MECOM: variants seen among roughly 807,000 people sequenced by gnomAD.
The protein encoded by MECOM is MDS1 and EVI1 complex locus.
Under a neutral mutation model 116.3 loss-of-function variants are expected in MECOM, and 13 were observed. The ratio of observed to expected loss-of-function variants is 0.11; its 90% CI spans 0.07 to 0.18. The LOEUF (loss-of-function observed/expected upper bound fraction) is 0.18. Ranked by LOEUF, MECOM falls within the 10% of genes least tolerant of loss-of-function variation. MECOM has a pLI of 1.00. For synonymous variants in MECOM, 528 were observed against 535.2 expected (o/e 0.99, Z 0.19); for missense variants, 1,299 against 1,509.0 (o/e 0.86, Z 2.31).
At chr3:169,589,906 C>A (rs1222960057) in intron 1 of MECOM, among the ~76,000 whole-genome samples, 1 of 152,180 alleles carries the variant, frequency 6.6e-6, no homozygotes. Context: ...ATCACTGCAA[C>A]AATTTTGTCA....
Position 169,276,819 on chromosome 3 carries a change from A to G in MECOM, c.375+104368T>C, listed in dbSNP as rs1759644199. On this transcript the variant is annotated intron_variant, in intron 2 of 16. Coordinates refer to ENST00000651503, the MANE Select transcript of MECOM (RefSeq NM_004991.4). ...AAAAACTAGAGATTAACCAAACTAA[A>G]TGTAATTTAAAACAATGTAGCAAGC... is the stretch of plus-strand genomic sequence containing the variant. Among the ~76,000 whole-genome samples the G allele has an allele frequency of 2.0e-5, 3 of 152,244 alleles. No homozygotes were observed. The South Asian group carries it at 6.2e-4, about 31-fold the overall frequency.
intron 1 of MECOM, among the ~76,000 whole-genome samples, chr3:169,566,516 G>T (rs1763262348): frequency 6.6e-6 from 1 of 152,200 alleles, no homozygotes; most frequent in Admixed American, 6.5e-5. Flanking sequence ...CAGGTACCAT[G>T]CAATGGGGCT....
intron 1 of MECOM, among the ~76,000 whole-genome samples, chr3:169,454,831 G>A (rs1210548953): frequency 6.6e-6 from 1 of 152,042 alleles, no homozygotes; most frequent in Non-Finnish European, 1.5e-5. Flanking sequence ...ATAATAATAA[G>A]TCCCATAACT....
chr3:169,407,131 G>A (rs777565173), intron 1 of MECOM, among the ~76,000 whole-genome samples: 1 of 152,112 alleles, frequency 6.6e-6, no homozygotes, highest in Non-Finnish European at 1.5e-5. Context: ...ACAGGTGTGA[G>A]CCACTGTGCC....
At chr3:169,310,169 A>T (rs1051561907) in intron 2 of MECOM, among the ~76,000 whole-genome samples, 1 of 152,224 alleles carries the variant, frequency 6.6e-6, no homozygotes, top group Non-Finnish European at 1.5e-5. Flanking sequence ...AAGATTAAAG[A>T]CATTTTTTCC....
intron 2 of MECOM, among the ~76,000 whole-genome samples, chr3:169,204,467 C>T (rs547227969): frequency 6.6e-6 from 1 of 152,250 alleles, no homozygotes; most frequent in East Asian, 1.9e-4. Context: ...AGTTTATCAT[C>T]ATTGTTTTGT....
intron 1 of MECOM, among the ~76,000 whole-genome samples, chr3:169,493,486 A>G (rs993064569): frequency 6.6e-6 from 1 of 151,756 alleles, no homozygotes; most frequent in Non-Finnish European, 1.5e-5. Context: ...GGAACACCAC[A>G]CTCTGCTTTG....
chr3:169,126,577 T>C (rs1732941140), intron 5 of MECOM, among the ~76,000 whole-genome samples: 1 of 152,004 alleles, frequency 6.6e-6, no homozygotes, highest in South Asian at 2.1e-4. Flanking sequence ...AGAGGTGAGT[T>C]TAAAAAGTTC....
At chr3:169,265,154 A>G (rs1465699347) in intron 2 of MECOM, among the ~76,000 whole-genome samples, 1 of 152,164 alleles carries the variant, frequency 6.6e-6, no homozygotes, top group Non-Finnish European at 1.5e-5. Context: ...AAATAATGGC[A>G]TTGTTGAGTT....
intron 1 of MECOM, among the ~76,000 whole-genome samples, chr3:169,565,389 G>A (rs1222957058): frequency 2.0e-5 from 3 of 152,144 alleles, no homozygotes; most frequent in East Asian, 3.8e-4. Context: ...AACTTCACCC[G>A]GGCTTTCCTC....
chr3:169,289,623 C>T (rs948582006), intron 2 of MECOM, among the ~76,000 whole-genome samples: 2 of 152,288 alleles, frequency 1.3e-5, no homozygotes, highest in South Asian at 2.1e-4. Context: ...GTGCAACCCT[C>T]ATCTCTTACT....
intron 10 of MECOM, among the ~76,000 whole-genome samples, chr3:169,103,637 C>G (rs1213790021): frequency 2.6e-5 from 4 of 152,106 alleles, no homozygotes; most frequent in Admixed American, 1.3e-4. Context: ...AATGAGACAG[C>G]AGGACAGAGA....
chr3:169,476,783 T>C (rs1040737629), intron 1 of MECOM: 2 of 151,864 alleles, frequency 1.3e-5, no homozygotes, highest in African/African-American at 4.8e-5. Context: ...CCAGGTGACC[T>C]TTGAGATTAC....
chr3:169,250,760 AAGC>A (rs1412793354), intron 2 of MECOM, among the ~76,000 whole-genome samples: 6 of 152,346 alleles, frequency 3.9e-5, no homozygotes, highest in African/African-American at 1.4e-4. Flanking sequence ...ATTAACAAAA[AAGC>A]AGTATGAATT....
rs185374998 is a variant in MECOM at position 169,239,979 on chromosome 3, C to G, written c.376-96147G>C. 1.4e-3 allele frequency among the ~76,000 whole-genome samples: 208 copies of G among 152,256 alleles called. 1 individual carries two copies. The highest frequency in any genetic ancestry group is 4.6e-3 in the Admixed American group (71 of 15,292). ...TTCATTTCCTGTCTTTAATTCTAAACGAGCAATTTGCTGATAATTTCCTGT... is the reference window on the plus strand; with the variant it reads ...TTCATTTCCTGTCTTTAATTCTAAAGGAGCAATTTGCTGATAATTTCCTGT... On this transcript the variant is annotated intron_variant, in intron 2 of 16. Coordinates refer to ENST00000651503, the MANE Select transcript of MECOM (RefSeq NM_004991.4).
At chr3:169,554,056 C>T (rs1761732821) in intron 1 of MECOM, among the ~76,000 whole-genome samples, 1 of 152,162 alleles carries the variant, frequency 6.6e-6, no homozygotes, top group Non-Finnish European at 1.5e-5. Flanking sequence ...AGGTGGAAAG[C>T]AGTCATAAGG....
chr3:169,625,461 G>T (rs1407157084), intron 1 of MECOM, among the ~76,000 whole-genome samples: 1 of 152,046 alleles, frequency 6.6e-6, no homozygotes, highest in East Asian at 1.9e-4. Flanking sequence ...TTACTTAAAA[G>T]TCTTAACATA....
intron 5 of MECOM, among the ~76,000 whole-genome samples, chr3:169,126,734 A>G (rs948981082): frequency 4.6e-5 from 7 of 152,078 alleles, no homozygotes; most frequent in African/African-American, 1.7e-4. Flanking sequence ...TATGCCTTAA[A>G]ATGAACTACT....
At chr3:169,235,513 C>CGT (rs1753926507) in intron 2 of MECOM, among the ~76,000 whole-genome samples, 1 of 151,314 alleles carries the variant, frequency 6.6e-6, no homozygotes, top group Admixed American at 6.6e-5. Context: ...CATATGAAAA[C>CGT]GTGTTTACTA....
Sources: allele counts gnomAD v4.1 joint callset (sites outside exome capture counted in the v4.1 genomes callset), GRCh38; gene constraint gnomAD v4.1.1; transcripts MANE v1.5; gene names NCBI Gene and HGNC (gene_info 2026-07-23, HGNC 2026-07-21).